Variants in ACER3 observed in about 807,000 individuals in gnomAD.
The protein encoded by ACER3 is alkCDase 3.
A neutral mutation model predicts 48.9 loss-of-function variants in ACER3; 16 were observed. That is an observed-to-expected ratio of 0.33 (90% CI 0.22 to 0.50). The LOEUF (loss-of-function observed/expected upper bound fraction) is 0.50, where lower values mean the gene tolerates loss of function less well. Ranked by LOEUF, ACER3 falls within the 20% of genes least tolerant of loss-of-function variation. The pLI is 0.98. For synonymous variants in ACER3, 109 were observed against 107.8 expected (o/e 1.01, Z -0.07); for missense variants, 227 against 326.0 (o/e 0.70, Z 2.34).
intron 3 of ACER3, among the ~76,000 whole-genome samples, chr11:76,966,211 A>G (rs1948133745): frequency 6.6e-6 from 1 of 151,622 alleles, no homozygotes; most frequent in African/African-American, 2.4e-5. Context: ...AGAGACAAAG[A>G]AGGCCATTAC....
intron 1 of ACER3, chr11:76,868,265 C>G (rs965379178): frequency 1.3e-5 from 17 of 1,286,554 alleles, no homozygotes; most frequent in African/African-American, 1.1e-4. Context: ...AGGTTATTGA[C>G]AGGCAAGCAG....
At chr11:76,955,667 G>C (rs996083505) in intron 2 of ACER3, 1 of 152,192 alleles carries the variant, frequency 6.6e-6, no homozygotes, top group Non-Finnish European at 1.5e-5. Context: ...ACGCCCATAT[G>C]ACCTCATCCA....
chr11:76,980,497 T>G (rs2135174554), intron 4 of ACER3, among the ~76,000 whole-genome samples: 1 of 152,088 alleles, frequency 6.6e-6, no homozygotes, highest in East Asian at 1.9e-4. Context: ...GGCAGTATAG[T>G]GAGACCCTGT....
chr11:77,000,641 G>C (rs1379909448), intron 7 of ACER3, among the ~76,000 whole-genome samples: 1 of 152,192 alleles, frequency 6.6e-6, no homozygotes, highest in African/African-American at 2.4e-5. Context: ...ATGTCCAACT[G>C]TTCTAAGACC....
intron 3 of ACER3, among the ~76,000 whole-genome samples, chr11:76,960,613 T>C (rs1947963435): frequency 6.6e-6 from 1 of 152,146 alleles, no homozygotes. Context: ...AAAACCTGAG[T>C]GTGGCTTATA....
intron 1 of ACER3, among the ~76,000 whole-genome samples, chr11:76,886,079 T>C (rs185822980): frequency 6.6e-6 from 1 of 152,210 alleles, no homozygotes. Context: ...CTAGGTAATA[T>C]AATAGAGAAT....
At chr11:76,937,068 G>A (rs1043124713) in intron 2 of ACER3, among the ~76,000 whole-genome samples, 15 of 152,072 alleles carry the variant, frequency 9.9e-5, no homozygotes, top group Non-Finnish European at 1.3e-4. Flanking sequence ...ATAGGAAAAC[G>A]TGGTCAAATA....
intron 1 of ACER3, among the ~76,000 whole-genome samples, chr11:76,921,539 G>A (rs1284858267): frequency 6.6e-6 from 1 of 152,074 alleles, no homozygotes; most frequent in East Asian, 1.9e-4. Context: ...GTAAATGTTA[G>A]TATGTTCTTA....
intron 2 of ACER3, among the ~76,000 whole-genome samples, chr11:76,930,740 A>G (rs1946976221): frequency 6.6e-6 from 1 of 152,030 alleles, no homozygotes; most frequent in South Asian, 2.1e-4. Context: ...GTCATTCAGG[A>G]GTAGGTTGTT....
chr11:76,926,443 C>T, intron 1 of ACER3, 114 bp from the exon 2 acceptor site: 1 of 534,768 alleles, frequency 1.9e-6, no homozygotes, highest in East Asian at 3.3e-5. Context: ...AATATCTTCC[C>T]AATGTCTTTC....
At chr11:76,929,787 G>C (rs1229603362) in intron 2 of ACER3, among the ~76,000 whole-genome samples, 2 of 152,196 alleles carry the variant, frequency 1.3e-5, no homozygotes, top group Admixed American at 1.3e-4. Context: ...ATTTGCATAT[G>C]TTGAACCAGT....
intron 6 of ACER3, chr11:76,994,280 C>T: frequency 4.9e-6 from 2 of 410,434 alleles, no homozygotes; most frequent in South Asian, 1.7e-5. Context: ...CAGGCGTGTA[C>T]CATCACGCCA....
At chr11:76,910,779 G>A (rs1459437642) in intron 1 of ACER3, among the ~76,000 whole-genome samples, 4 of 152,178 alleles carry the variant, frequency 2.6e-5, no homozygotes, top group African/African-American at 9.6e-5. Flanking sequence ...TCACCGTTAT[G>A]TACTGCTAAT....
intron 2 of ACER3, among the ~76,000 whole-genome samples, chr11:76,936,827 C>T (rs763216261): frequency 4.6e-5 from 7 of 151,626 alleles, no homozygotes; most frequent in Non-Finnish European, 1.0e-4. Flanking sequence ...AGGCAGTTCT[C>T]CTGCCTCAGC....
In ACER3 at chr11:76,966,736, A is replaced by G. The variant is rs1179136795; in HGVS notation, c.267+7705A>G. Reference sequence around the variant, plus strand: ...GGTACATAACGAAATGAAGGCAGAAATAAAGATGTTCTTTGAAACCAACGA... The same window carrying G: ...GGTACATAACGAAATGAAGGCAGAAGTAAAGATGTTCTTTGAAACCAACGA... On this transcript the variant is annotated intron_variant, in intron 3 of 10. Transcript: ENST00000532485. 5.3e-5 allele frequency among the ~76,000 whole-genome samples: 8 copies of G among 150,542 alleles called. No homozygotes were observed. In the East Asian group the frequency reaches 1.5e-3, roughly 29 times the overall value.
intron 1 of ACER3, among the ~76,000 whole-genome samples, chr11:76,866,144 G>T (rs11236986): frequency 1.3e-5 from 2 of 151,964 alleles, no homozygotes; most frequent in African/African-American, 4.8e-5. Context: ...TACATATTTA[G>T]AGTCCCTTGA....
chr11:76,930,731 T>C (rs1353931790), intron 2 of ACER3, among the ~76,000 whole-genome samples: 1 of 152,110 alleles, frequency 6.6e-6, no homozygotes, highest in Non-Finnish European at 1.5e-5. Context: ...TACCCAGTAG[T>C]CATTCAGGAG....
chr11:76,991,495 G>A (rs1287270984), intron 6 of ACER3, among the ~76,000 whole-genome samples: 1 of 152,056 alleles, frequency 6.6e-6, no homozygotes, highest in Non-Finnish European at 1.5e-5. Context: ...GCTGCAGGTA[G>A]ATGAACTAAA....
chr11:76,944,235 A>G (rs1947420181), intron 2 of ACER3, among the ~76,000 whole-genome samples: 1 of 152,022 alleles, frequency 6.6e-6, no homozygotes, highest in Non-Finnish European at 1.5e-5. Flanking sequence ...TTTGTGGTTT[A>G]ATGAAATTCT....
Sources: gnomAD v4.1 joint callset for allele counts (sites outside exome capture counted in the v4.1 genomes callset) on GRCh38, gnomAD v4.1.1 for gene constraint, MANE v1.5 for transcripts, NCBI Gene and HGNC (gene_info 2026-07-23, HGNC 2026-07-21) for gene names.